PODN: variants seen among roughly 807,000 people sequenced by gnomAD.
PODN encodes the protein podocan, also known as podocan proteoglycan.
Under a neutral mutation model 52.7 loss-of-function variants are expected in PODN, and 40 were observed. That is an observed-to-expected ratio of 0.76 (90% CI 0.59 to 0.99). The LOEUF (loss-of-function observed/expected upper bound fraction) is 0.99, where lower values mean the gene tolerates loss of function less well. PODN is among the 50% of genes least tolerant of loss of function. PODN has a pLI of 0.00. For missense variants in PODN, 720 were observed against 815.1 expected, an observed-to-expected ratio of 0.88 and a Z score of 1.42; for synonymous variants, 396 against 377.9, an observed-to-expected ratio of 1.05 and a Z score of -0.56.
At chr1:53,066,977 T>G in intron 1 of PODN, 1 of 1,137,080 alleles carries the variant, frequency 8.8e-7, no homozygotes, top group Admixed American at 2.4e-5. Flanking sequence ...CTCTCGCTCT[T>G]AGAACCCCGG....
intron 9 of PODN, among the ~76,000 whole-genome samples, chr1:53,081,320 C>T (rs1644292415): frequency 6.6e-6 from 1 of 152,214 alleles, no homozygotes; most frequent in African/African-American, 2.4e-5. Context: ...TGAGGGGCTT[C>T]CATGCAGCAG....
intron 10 of PODN, among the ~76,000 whole-genome samples, chr1:53,082,781 A>G (rs1445441330): frequency 6.6e-6 from 1 of 152,124 alleles, no homozygotes; most frequent in Non-Finnish European, 1.5e-5. Flanking sequence ...GAACACACAC[A>G]CCACACACAT....
In PODN at chr1:53,071,869, G is replaced by A. The variant is rs565960560; in HGVS notation, c.406+241G>A. ...TTTCTTTCTTTTTTTTTTTGACATA[G>A]TCACTTACTTTAATAACAATACATA... On this transcript the variant is annotated intron_variant, in intron 3 of 10. Transcript: ENST00000312553. Among the ~76,000 whole-genome samples, 11 of 151,748 alleles carry A rather than the reference G, an allele frequency of 7.2e-5. No homozygotes were observed. In the East Asian group the frequency reaches 2.1e-3, roughly 29 times the overall value.
Position 53,084,671 on chromosome 1 carries a change from T to A in PODN, c.*186T>A, listed in dbSNP as rs1644338153. 1 of 152,410 alleles carries A rather than the reference T, an allele frequency of 6.6e-6. No homozygotes were observed. Among genetic ancestry groups the A allele is most frequent in the African/African-American group, 2.4e-5 (1 of 41,292 alleles). 9.4% of individuals were successfully genotyped at this position (152,410 alleles called of 1,614,324 possible). A position where few individuals can be genotyped will look rare whatever the true frequency, so the allele number is the denominator to read the frequency against. The stretch of plus-strand genomic sequence containing the variant: ...TATCCCCACCCCTTCCCACGGCGTG[T>A]CCCACGGCCAGACACATGCACACAC... On this transcript the variant is annotated 3_prime_UTR_variant, in exon 11 of 11. Transcript: ENST00000312553.
At chr1:53,065,193 TA>T (rs1644013947) in intron 1 of PODN, among the ~76,000 whole-genome samples, 1 of 151,952 alleles carries the variant, frequency 6.6e-6, no homozygotes, top group Non-Finnish European at 1.5e-5. Context: ...TTTCTAAAAA[TA>T]AAAAATTAGC....
chr1:53,070,286 T>C, intron 2 of PODN, 119 bp downstream of exon 2: 6 of 1,471,630 alleles, frequency 4.1e-6, no homozygotes, highest in Non-Finnish European at 4.6e-6. Context: ...TGTGCGGCTC[T>C]CCACTCCCAA....
chr1:53,068,241 C>T (rs1178749793), intron 1 of PODN, among the ~76,000 whole-genome samples: 2 of 152,186 alleles, frequency 1.3e-5, no homozygotes, highest in South Asian at 2.1e-4. Flanking sequence ...GCAGCTCAGG[C>T]CGCTAGCTCC....
rs1644119963 is a variant in PODN, at chr1:53,071,637, C to T, written c.406+9C>T. The T allele has an allele frequency of 6.2e-7, 1 of 1,608,598 alleles. No individual in the cohort carries two copies. The highest frequency in any genetic ancestry group is 1.1e-5 in the South Asian group (1 of 90,878). On this transcript the variant is annotated intron_variant, in intron 3 of 10. Coordinates refer to ENST00000312553, the MANE Select transcript of PODN (RefSeq NM_153703.5). ...CCGCCTGACTTCCCGAGGTGAGGGGCCACCCAGAGCCCAGGGTCAGGGACA... is the reference window on the plus strand; with the variant it reads ...CCGCCTGACTTCCCGAGGTGAGGGGTCACCCAGAGCCCAGGGTCAGGGACA...
chr1:53,081,242 C>G (rs1382004284), intron 9 of PODN, among the ~76,000 whole-genome samples: 1 of 152,204 alleles, frequency 6.6e-6, no homozygotes, highest in Non-Finnish European at 1.5e-5. Flanking sequence ...TGTTCAGGCC[C>G]TCCCTGGCTT....
chr1:53,085,418 C>T lies in PODN; in HGVS notation c.*933C>T, dbSNP rs1459140480. On this transcript the variant is annotated 3_prime_UTR_variant, in exon 11 of 11. Coordinates refer to ENST00000312553, the MANE Select transcript of PODN (RefSeq NM_153703.5). ...GGGTGCCTTTATTTTTTATTCTTTTCTAAGGAAAAAAATGATAAAAATCTC... is the reference window on the plus strand; with the variant it reads ...GGGTGCCTTTATTTTTTATTCTTTTTTAAGGAAAAAAATGATAAAAATCTC... 6.6e-6 allele frequency: 1 copy of T among 152,102 alleles called. No homozygotes were observed. Among genetic ancestry groups the T allele is most frequent in the African/African-American group, 2.4e-5 (1 of 41,404 alleles). The allele number at this position is 152,102 out of a possible 1,614,324, so 9.4% of individuals were successfully genotyped here. A position where few individuals can be genotyped will look rare whatever the true frequency, so the allele number is the denominator to read the frequency against.
In PODN at chr1:53,078,654, G is replaced by T. The variant is rs772639428; in HGVS notation, c.1144G>T (p.Val382Leu). ...ERVPSGLPRR[V>L]RTLMILHNQI... ...CGTGCCCAGTGGCCTGCCTCGCCGCGTGCGCACCCTCATGATCCTGCACAA... is the reference window on the plus strand; with the variant it reads ...CGTGCCCAGTGGCCTGCCTCGCCGCTTGCGCACCCTCATGATCCTGCACAA... The change falls in exon 8 of 11, where the codon GTG becomes TTG. Residue 382 changes from valine (V) to leucine (L), a missense_variant. Val to Leu is a conservative substitution (Grantham distance 32). Transcript: ENST00000312553. 5 of 1,612,926 alleles carry T rather than the reference G, an allele frequency of 3.1e-6. No individual in the cohort carries two copies. The highest frequency in any genetic ancestry group is 1.7e-5 in the Admixed American group (1 of 60,012).
At chr1:53,074,842 A>C (rs896364815) in intron 4 of PODN, among the ~76,000 whole-genome samples, 172 bp downstream of exon 4, 2 of 152,046 alleles carry the variant, frequency 1.3e-5, no homozygotes, top group African/African-American at 4.8e-5. Flanking sequence ...CATGCCTATA[A>C]CTCAGGGCAT....
intron 1 of PODN, among the ~76,000 whole-genome samples, chr1:53,069,227 A>C (rs1354480145): frequency 6.6e-6 from 1 of 152,226 alleles, no homozygotes; most frequent in Non-Finnish European, 1.5e-5. Flanking sequence ...TGGTTCCCAG[A>C]AAAGAAAATG....
chr1:53,081,302 T>C (rs531405582), intron 9 of PODN, among the ~76,000 whole-genome samples: 1 of 152,302 alleles, frequency 6.6e-6, no homozygotes, highest in African/African-American at 2.4e-5. Flanking sequence ...TGCAGCTCCC[T>C]GAGGATATGA....
intron 1 of PODN, among the ~76,000 whole-genome samples, chr1:53,068,243 G>A (rs1236839426): frequency 1.3e-5 from 2 of 152,160 alleles, no homozygotes; most frequent in Non-Finnish European, 2.9e-5. Flanking sequence ...AGCTCAGGCC[G>A]CTAGCTCCAG....
chr1:53,071,066 C>T (rs2150296271), intron 2 of PODN: 1 of 155,326 alleles, frequency 6.4e-6, no homozygotes, highest in South Asian at 2.0e-4. Flanking sequence ...CCCAGAGTAA[C>T]CTCCTAATTC....
rs558277911 is a variant in PODN at position 53,080,988 on chromosome 1, C to T, written c.1661+112C>T. 122 of 1,383,226 alleles carry T rather than the reference C, an allele frequency of 8.8e-5. No homozygotes were observed. The Middle Eastern group carries it at 1.1e-3, about 13-fold the overall frequency. 85.7% of individuals were successfully genotyped at this position (1,383,226 alleles called of 1,614,324 possible). A position where few individuals can be genotyped will look rare whatever the true frequency, so the allele number is the denominator to read the frequency against. On this transcript the variant is annotated intron_variant, in intron 9 of 10. Coordinates refer to ENST00000312553, the MANE Select transcript of PODN (RefSeq NM_153703.5). ...GGCTCCACTGCTGCCTGTGTAACCA[C>T]GGCTCAGATCTCAAGGGTGGGGACA...
intron 5 of PODN, among the ~76,000 whole-genome samples, chr1:53,076,204 C>T (rs576463951): frequency 1.2e-4 from 18 of 152,336 alleles, no homozygotes; most frequent in African/African-American, 4.1e-4. Context: ...CCCCACTTTC[C>T]CAGCCCCTGG....
Position 53,080,737 on chromosome 1 carries a change from A to G in PODN, c.1522A>G (p.Ile508Val), listed in dbSNP as rs1008225357. ...TTGGTCACCCCTGCAGCTGCTGGAC[A>G]TCGCCGGGAATCAGCTCACAGAGAT... is the stretch of plus-strand genomic sequence containing the variant. ...VDLAHLQLLD[I>V]AGNQLTEIPE... The change falls in exon 9 of 11, where the codon ATC becomes GTC. Residue 508 changes from isoleucine (I) to valine (V), a missense_variant. By Grantham distance (29) the Ile-to-Val change is conservative. Coordinates refer to ENST00000312553, the MANE Select transcript of PODN (RefSeq NM_153703.5). 4.3e-6 allele frequency: 7 copies of G among 1,613,804 alleles called. No individual in the cohort carries two copies. Among genetic ancestry groups the G allele is most frequent in the African/African-American group, 1.3e-5 (1 of 74,934 alleles).
Sources: gnomAD v4.1 joint callset for allele counts (sites outside exome capture counted in the v4.1 genomes callset) on GRCh38, gnomAD v4.1.1 for gene constraint, MANE v1.5 for transcripts, NCBI Gene and HGNC (gene_info 2026-07-23, HGNC 2026-07-21) for gene names.